PTPRM: variants seen among roughly 807,000 people sequenced by gnomAD.
The protein encoded by PTPRM is receptor-type tyrosine-protein phosphatase mu.
Under a neutral mutation model 186.7 loss-of-function variants are expected in PTPRM, and 47 were observed. The ratio of observed to expected loss-of-function variants is 0.25; its 90% confidence interval spans 0.20 to 0.32. The LOEUF (loss-of-function observed/expected upper bound fraction) is 0.32. PTPRM is among the 10% of genes least tolerant of loss of function. The probability of loss-of-function intolerance (pLI) is 1.00; values close to 1 mark genes in which losing one functional copy is unlikely to be tolerated. For synonymous variants in PTPRM, 668 were observed against 674.9 expected, an observed-to-expected ratio of 0.99 and a Z score of 0.16; for missense variants, 1,494 against 1,865.0, an observed-to-expected ratio of 0.80 and a Z score of 3.66.
chr18:8,354,048 C>T (rs1203785959), intron 23 of PTPRM, among the ~76,000 whole-genome samples: 3 of 152,046 alleles, frequency 2.0e-5, no homozygotes, highest in African/African-American at 7.2e-5. Flanking sequence ...CCCATCTCTA[C>T]TAAAACCACA....
chr18:7,743,356 T>C (rs192268464), intron 1 of PTPRM, among the ~76,000 whole-genome samples: 121 of 152,344 alleles, frequency 7.9e-4, no homozygotes, highest in African/African-American at 2.8e-3. Flanking sequence ...AATATTCTTA[T>C]ACTTATTCCA....
At chr18:7,880,550 A>G (rs939077934) in intron 2 of PTPRM, among the ~76,000 whole-genome samples, 1 of 152,212 alleles carries the variant, frequency 6.6e-6, no homozygotes, top group Non-Finnish European at 1.5e-5. Flanking sequence ...GATATATGAT[A>G]TCTGGTCTGC....
chr18:7,575,174 T>A (rs777064809), intron 1 of PTPRM, among the ~76,000 whole-genome samples: 11 of 152,184 alleles, frequency 7.2e-5, no homozygotes, highest in Non-Finnish European at 1.6e-4. Context: ...TCCAGGTAAA[T>A]AAAAATAATC....
intron 1 of PTPRM, among the ~76,000 whole-genome samples, chr18:7,624,937 A>C (rs1470405347): frequency 6.6e-6 from 1 of 152,172 alleles, no homozygotes; most frequent in Non-Finnish European, 1.5e-5. Context: ...TGGCGAGCCT[A>C]ATGTGTGTAT....
chr18:7,690,925 G>A (rs1003491072), intron 1 of PTPRM, among the ~76,000 whole-genome samples: 9 of 152,104 alleles, frequency 5.9e-5, no homozygotes, highest in African/African-American at 2.2e-4. Flanking sequence ...TGTATATTGA[G>A]TTCTTTGGGT....
rs112583190 is a variant in PTPRM, at chr18:8,196,567, A to G, written c.2301-47491A>G. Among the ~76,000 whole-genome samples, 552 of 152,368 alleles carry G rather than the reference A, an allele frequency of 3.6e-3. 6 individuals are homozygous for G. Among genetic ancestry groups the G allele is most frequent in the Non-Finnish European group, 4.4e-3 (300 of 68,032 alleles). On this transcript the variant is annotated intron_variant, in intron 14 of 32. Transcript: ENST00000580170. Reference sequence around the variant, plus strand: ...CAGCTGTCTAGGACTAGTGCCCAGTAGAGAGATTGGCAGAAAAACACTCAT... The same window carrying G: ...CAGCTGTCTAGGACTAGTGCCCAGTGGAGAGATTGGCAGAAAAACACTCAT...
chr18:7,895,538 G>A (rs1187781123), intron 3 of PTPRM, among the ~76,000 whole-genome samples: 1 of 152,196 alleles, frequency 6.6e-6, no homozygotes, highest in Admixed American at 6.5e-5. Context: ...GGTCCGTGCA[G>A]TTCTCCCTTC....
At chr18:7,631,120 G>A (rs964355026) in intron 1 of PTPRM, among the ~76,000 whole-genome samples, 5 of 152,142 alleles carry the variant, frequency 3.3e-5, no homozygotes, top group African/African-American at 1.2e-4. Context: ...TAAAACAAAT[G>A]TAAGACTTTA....
chr18:7,773,570 GTTTTTTTTTTTTTTT>G (rs10708698), intron 1 of PTPRM, among the ~76,000 whole-genome samples: 2 of 129,096 alleles, frequency 1.5e-5, no homozygotes, highest in Admixed American at 1.6e-4. Flanking sequence ...TCTTTTCTTT[GTTTTTTTTTTTTTTT>G]TTTGTTTGTT....
At chr18:8,011,042 G>A (rs1568179933) in intron 7 of PTPRM, among the ~76,000 whole-genome samples, 1 of 152,156 alleles carries the variant, frequency 6.6e-6, no homozygotes, top group Non-Finnish European at 1.5e-5. Context: ...CTGTAATTCA[G>A]GATATTTAGG....
chr18:8,236,209 T>C (rs1483243476), intron 14 of PTPRM, among the ~76,000 whole-genome samples: 1 of 152,216 alleles, frequency 6.6e-6, no homozygotes, highest in African/African-American at 2.4e-5. Flanking sequence ...CTATTTCTCC[T>C]TGCAATTCTA....
At chr18:8,167,266 C>T (rs1287061668) in intron 14 of PTPRM, among the ~76,000 whole-genome samples, 1 of 152,134 alleles carries the variant, frequency 6.6e-6, no homozygotes, top group Non-Finnish European at 1.5e-5. Flanking sequence ...TACCCACATG[C>T]GGTGACTCTT....
chr18:8,097,870 G>T (rs76918561), intron 11 of PTPRM, among the ~76,000 whole-genome samples: 3,068 of 152,304 alleles, frequency 0.02, 111 homozygotes, highest in African/African-American at 0.071. Context: ...GCATTAATTA[G>T]ATTTACATGC....
intron 13 of PTPRM, among the ~76,000 whole-genome samples, chr18:8,126,027 A>ATATATTTTTTTT (rs57751538): frequency 1.3e-4 from 9 of 69,524 alleles, no homozygotes; most frequent in Admixed American, 4.3e-4. Flanking sequence ...ATATATATAT[A>ATATATTTTTTTT]TTTTAAATCA....
chr18:7,642,904 T>TA (rs2038478903), intron 1 of PTPRM, among the ~76,000 whole-genome samples: 1 of 151,702 alleles, frequency 6.6e-6, no homozygotes, highest in Non-Finnish European at 1.5e-5. Flanking sequence ...TTGTGTTGTT[T>TA]ATCTTTTAAT....
At chr18:7,876,455 C>A (rs1453253513) in intron 2 of PTPRM, among the ~76,000 whole-genome samples, 1 of 152,178 alleles carries the variant, frequency 6.6e-6, no homozygotes, top group South Asian at 2.1e-4. Context: ...CTTAAAACAA[C>A]ACTCATAGCT....
chr18:7,958,207 CAAAAA>C (rs534178363), intron 7 of PTPRM, among the ~76,000 whole-genome samples: 6 of 115,302 alleles, frequency 5.2e-5, no homozygotes, highest in Non-Finnish European at 7.1e-5. Context: ...CCATCCCCTG[CAAAAA>C]AAAAAAAAAA....
intron 1 of PTPRM, among the ~76,000 whole-genome samples, chr18:7,577,639 G>T (rs2036722710): frequency 6.6e-6 from 1 of 152,076 alleles, no homozygotes; most frequent in African/African-American, 2.4e-5. Flanking sequence ...TTAATAAAAA[G>T]AGGCTACTTT....
intron 11 of PTPRM, among the ~76,000 whole-genome samples, chr18:8,104,689 C>G (rs2145590018): frequency 6.6e-6 from 1 of 152,242 alleles, no homozygotes; most frequent in East Asian, 1.9e-4. Flanking sequence ...CCCAAGCAGT[C>G]CTCCCACCTT....
Sources: gnomAD v4.1 joint callset for allele counts (sites outside exome capture counted in the v4.1 genomes callset) on GRCh38, gnomAD v4.1.1 for gene constraint, MANE v1.5 for transcripts, NCBI Gene and HGNC (gene_info 2026-07-23, HGNC 2026-07-21) for gene names.